Variants in HTR3C observed in about 807,000 individuals in gnomAD.
HTR3C encodes 5-HT3-C.
In HTR3C, 32 loss-of-function variants were observed where a neutral mutation model predicts 40.5. That is an observed-to-expected ratio of 0.79 (90% CI 0.60 to 1.06). The LOEUF (loss-of-function observed/expected upper bound fraction) is 1.06, where lower values mean the gene tolerates loss of function less well. Ranked by LOEUF, HTR3C falls within the 50% of genes least tolerant of loss-of-function variation. The probability of loss-of-function intolerance (pLI) is 0.00; values close to 1 mark genes in which losing one functional copy is unlikely to be tolerated. For missense variants in HTR3C, 523 were observed against 556.8 expected, an observed-to-expected ratio of 0.94 and a Z score of 0.61; for synonymous variants, 209 against 217.1, an observed-to-expected ratio of 0.96 and a Z score of 0.33.
At chr3:184,057,136 G>C in intron 5 of HTR3C, 92 bp downstream of exon 5, 1 of 934,364 alleles carries the variant, frequency 1.1e-6, no homozygotes, top group Non-Finnish European at 1.6e-6. Context: ...GATCAGTGTT[G>C]CTCCACTCCG....
intron 5 of HTR3C, 113 bp downstream of exon 5, chr3:184,057,157 A>T: frequency 1.4e-6 from 1 of 737,032 alleles, no homozygotes; most frequent in East Asian, 2.7e-5. Flanking sequence ...GTGGCCTAAC[A>T]AAGCTTTTTG....
In HTR3C at chr3:184,056,892, C is replaced by T. The variant is rs761571633; in HGVS notation, c.407C>T (p.Thr136Met). ...FIVESMDVDQ[T>M]PSGLTAYISS... ...CCAAACAGCATGGATGTGGATCAGACGCCTTCCGGTCTCACTGCCTATATC... is the reference window on the plus strand; with the variant it reads ...CCAAACAGCATGGATGTGGATCAGATGCCTTCCGGTCTCACTGCCTATATC... Residue 136 changes from threonine (T) to methionine (M), a missense_variant, in exon 5 of 9, where the codon ACG becomes ATG. Coordinates refer to ENST00000318351, the MANE Select transcript of HTR3C (RefSeq NM_130770.3). 37 of 1,608,806 alleles carry T rather than the reference C, an allele frequency of 2.3e-5. 1 individual carries two copies. The highest frequency in any genetic ancestry group is 5.5e-5 in the South Asian group (5 of 90,412).
chr3:184,053,207 C>CCT, intron 1 of HTR3C, 60 bp downstream of exon 1: 1 of 1,205,406 alleles, frequency 8.3e-7, no homozygotes, highest in South Asian at 1.2e-5. Context: ...CCTGGACTCA[C>CCT]CTCTAGCACT....
chr3:184,056,992 C>T lies in HTR3C; in HGVS notation c.507C>T (p.Phe169=), dbSNP rs1350381516. Residue 169 remains phenylalanine (F), a synonymous_variant, in exon 5 of 9, where the codon TTC becomes TTT. Coordinates refer to ENST00000318351, the MANE Select transcript of HTR3C (RefSeq NM_130770.3). ...TCTGTAACCTGGACATCTTCTACTT[C>T]CCTTTTGACCAACAGAACTGTACCT... The part of the protein sequence containing the change: ...TSICNLDIFY[F]PFDQQNCTFT... 3.7e-6 allele frequency: 6 copies of T among 1,613,574 alleles called. No homozygotes were observed. In the East Asian group the frequency reaches 6.7e-5, roughly 18 times the overall value.
In HTR3C at chr3:184,058,506, G is replaced by A. The variant is rs1379971345; in HGVS notation, c.639G>A (p.Gly213=). ...CTCGCAAAGTCATCCAAACCCAGGGGGAGTGGGAGCTCTTGGGCATCAACA... is the reference window on the plus strand; with the variant it reads ...CTCGCAAAGTCATCCAAACCCAGGGAGAGTGGGAGCTCTTGGGCATCAACA... ...DTSRKVIQTQ[G]EWELLGINKA... is the part of the protein sequence containing the mutation. Residue 213 remains glycine (G), a synonymous_variant, in exon 6 of 9, where the codon GGG becomes GGA. Coordinates refer to ENST00000318351, the MANE Select transcript of HTR3C (RefSeq NM_130770.3). The A allele has an allele frequency of 6.2e-7, 1 of 1,613,446 alleles. No homozygotes were observed. Among genetic ancestry groups the A allele is most frequent in the African/African-American group, 1.3e-5 (1 of 74,852 alleles).
At position 184,054,905 on chromosome 3, in the gene HTR3C, C is replaced by A. The variant is rs145827675; in HGVS notation, c.234+18C>A. Reference sequence around the variant, plus strand: ...TGGGAGTGGTGAGACTTAGTCCCTGCATCTTTTCCATGGCTTCTAATAAGG... The same window carrying A: ...TGGGAGTGGTGAGACTTAGTCCCTGAATCTTTTCCATGGCTTCTAATAAGG... On this transcript the variant is annotated intron_variant, in intron 2 of 8. Coordinates refer to ENST00000318351, the MANE Select transcript of HTR3C (RefSeq NM_130770.3). The A allele has an allele frequency of 4.1e-3, 6,528 of 1,580,874 alleles. 16 individuals carry two copies. The highest frequency in any genetic ancestry group is 4.8e-3 in the Non-Finnish European group (5,618 of 1,163,930).
Position 184,060,153 on chromosome 3 carries a change from C to T in HTR3C, c.1145C>T (p.Pro382Leu). The change falls in exon 9 of 9, where the codon CCA becomes CTA. Residue 382 changes from proline (P) to leucine (L), a missense_variant. Coordinates refer to ENST00000318351, the MANE Select transcript of HTR3C (RefSeq NM_130770.3). Reference sequence around the variant, plus strand: ...TGAGCCTCTGTCCTCTCCACAGGCCCAAAGGAGCCGGGGGAGTTAGCAGGG... The same window carrying T: ...TGAGCCTCTGTCCTCTCCACAGGCCTAAAGGAGCCGGGGGAGTTAGCAGGG... ...LGLTLTHLPG[P>L]KEPGELAGKK... The T allele has an allele frequency of 6.2e-7, 1 of 1,613,688 alleles. No homozygotes were observed. The highest frequency in any genetic ancestry group is 8.5e-7 in the Non-Finnish European group (1 of 1,179,802).
chr3:184,056,365 C>A, intron 4 of HTR3C, 79 bp downstream of exon 4: 1 of 919,450 alleles, frequency 1.1e-6, no homozygotes. Context: ...GGCATGGGGC[C>A]ACCGAAAGAT....
rs146110065 is a variant in HTR3C, at chr3:184,054,762, C to A, written c.109C>A (p.Gln37Lys). ...AFTINCSGFD[Q>K]HGVDPAVFQA... ...TACCATCAATTGCTCAGGCTTTGAC[C>A]AGCATGGGGTTGACCCTGCTGTCTT... Residue 37 changes from glutamine (Q) to lysine (K), a missense_variant, in exon 2 of 9, where the codon CAG becomes AAG. Coordinates refer to ENST00000318351, the MANE Select transcript of HTR3C (RefSeq NM_130770.3). 19 of 1,610,688 alleles carry A rather than the reference C, an allele frequency of 1.2e-5. No homozygotes were observed. The African/African-American group carries it at 2.5e-4, about 22-fold the overall frequency.
chr3:184,053,829 A>G (rs1226027732), intron 1 of HTR3C, among the ~76,000 whole-genome samples: 1 of 152,078 alleles, frequency 6.6e-6, no homozygotes, highest in Non-Finnish European at 1.5e-5. Context: ...ATCTTGGCTC[A>G]CTGCAACCTC....
At chr3:184,057,133 G>A in intron 5 of HTR3C, 89 bp downstream of exon 5, 2 of 956,380 alleles carry the variant, frequency 2.1e-6, no homozygotes, top group Non-Finnish European at 3.1e-6. Flanking sequence ...TTGGATCAGT[G>A]TTGCTCCACT....
Position 184,056,421 on chromosome 3 carries a change from A to T in HTR3C, c.389+135A>T. On this transcript the variant is annotated intron_variant, in intron 4 of 8. Transcript: ENST00000318351. ...AACGAACTGACTTCCACACATCACT[A>T]CGAGTAGAAGAGGCGAGAGAGTGAC... is the stretch of plus-strand genomic sequence containing the variant. The T allele has an allele frequency of 4.5e-6, 3 of 669,792 alleles. No individual in the cohort carries two copies. In the South Asian group the frequency reaches 5.2e-5, roughly 12 times the overall value. The allele number at this position is 669,792 out of a possible 1,614,324, so 41.5% of individuals were successfully genotyped here. A position where few individuals can be genotyped will look rare whatever the true frequency, so the allele number is the denominator to read the frequency against.
chr3:184,055,799 G>T (rs1417585192), intron 3 of HTR3C, among the ~76,000 whole-genome samples: 2 of 135,954 alleles, frequency 1.5e-5, no homozygotes, highest in Non-Finnish European at 3.0e-5. Flanking sequence ...TCTGGGATCT[G>T]GGAAAAAATA....
Position 184,058,438 on chromosome 3 carries a change from C to A in HTR3C, c.571C>A (p.Leu191Met). The A allele has an allele frequency of 6.2e-7, 1 of 1,608,566 alleles. No individual in the cohort carries two copies. Among genetic ancestry groups the A allele is most frequent in the Non-Finnish European group, 8.5e-7 (1 of 1,178,014 alleles). ...SSFLYTVDSM[L>M]LGMDKEVWEI... is the part of the protein sequence containing the mutation. ...GGCCTCCCTTCCAGTGGACAGCATG[C>A]TGCTGGGCATGGACAAGGAGGTGTG... Residue 191 changes from leucine to methionine, a missense_variant, in exon 6 of 9, where the codon CTG (leucine) becomes ATG (methionine). Leu to Met is a conservative substitution (Grantham distance 15). Coordinates refer to ENST00000318351, the MANE Select transcript of HTR3C (RefSeq NM_130770.3).
Position 184,054,827 on chromosome 3 carries a change from C to G in HTR3C, c.174C>G (p.Thr58=). Residue 58 remains threonine (T), a synonymous_variant, in exon 2 of 9, where the codon ACC becomes ACG. Coordinates refer to ENST00000318351, the MANE Select transcript of HTR3C (RefSeq NM_130770.3). ...VFDRKAFRPF[T]NYSIPTRVNI... The stretch of plus-strand genomic sequence containing the variant: ...ACAGAAAGGCCTTCCGTCCATTCAC[C>G]AACTACAGCATCCCTACCCGTGTCA... 6.2e-7 allele frequency: 1 copy of G among 1,613,922 alleles called. No homozygotes were observed.
chr3:184,058,146 A>G (rs1356986870), intron 5 of HTR3C, among the ~76,000 whole-genome samples: 1 of 152,216 alleles, frequency 6.6e-6, no homozygotes, highest in Non-Finnish European at 1.5e-5. Context: ...GAAGGAAAAT[A>G]GGAATGACTC....
In HTR3C at chr3:184,060,280, C is replaced by A. The variant is rs778860624; in HGVS notation, c.1272C>A (p.Thr424=). 5.0e-6 allele frequency: 8 copies of A among 1,614,112 alleles called. No individual in the cohort carries two copies. The highest frequency in any genetic ancestry group is 1.6e-4 in the Middle Eastern group (1 of 6,062). The part of the protein sequence containing the change: ...LWVQFSHAMD[T]LLFRLYLLFM... ...TGCAGTTCAGCCACGCGATGGACACCCTGCTCTTCCGCCTCTACCTGCTCT... is the reference window on the plus strand; with the variant it reads ...TGCAGTTCAGCCACGCGATGGACACACTGCTCTTCCGCCTCTACCTGCTCT... The change falls in exon 9 of 9, where the codon ACC becomes ACA. Residue 424 remains threonine, a synonymous_variant. Transcript: ENST00000318351.
chr3:184,057,739 CAA>C (rs1032085708), intron 5 of HTR3C, among the ~76,000 whole-genome samples: 3 of 21,374 alleles, frequency 1.4e-4, no homozygotes, highest in Admixed American at 6.0e-4. Flanking sequence ...CGTCTCAAAA[CAA>C]AACAAAACAA....
chr3:184,059,161 T>A (rs961153919), intron 6 of HTR3C, among the ~76,000 whole-genome samples: 1 of 152,120 alleles, frequency 6.6e-6, no homozygotes, highest in African/African-American at 2.4e-5. Flanking sequence ...CTGCTCAGAA[T>A]GGATCAGCTC....
Sources: allele counts gnomAD v4.1 joint callset (sites outside exome capture counted in the v4.1 genomes callset), GRCh38; gene constraint gnomAD v4.1.1; transcripts MANE v1.5; gene names NCBI Gene and HGNC (gene_info 2026-07-23, HGNC 2026-07-21).